The following COL22A1 variants were observed in gnomAD, a reference collection of about 807,000 sequenced individuals.
COL22A1 encodes the protein collagen alpha-1(XXII) chain.
In COL22A1, 221 loss-of-function variants were observed where a neutral mutation model predicts 248.9. The observed-to-expected ratio is 0.89, with a 90% CI of 0.80 to 0.99. COL22A1 has a LOEUF of 0.99. Ranked by LOEUF, COL22A1 falls within the 50% of genes least tolerant of loss-of-function variation. The pLI is 0.00. For synonymous variants in COL22A1, 891 were observed against 793.4 expected (o/e 1.12, Z -2.07); for missense variants, 2,240 against 2,179.0 (o/e 1.03, Z -0.56).
chr8:138,882,550 C>T (rs1307768420), intron 2 of COL22A1, among the ~76,000 whole-genome samples: 2 of 140,262 alleles, frequency 1.4e-5, no homozygotes, highest in Non-Finnish European at 3.0e-5. Flanking sequence ...CCACATGCTC[C>T]CTCAAACTCA....
At chr8:138,829,553 G>A (rs142835687) in intron 5 of COL22A1, among the ~76,000 whole-genome samples, 36 of 151,796 alleles carry the variant, frequency 2.4e-4, no homozygotes, top group African/African-American at 7.0e-4. Flanking sequence ...ACAGGTGCCC[G>A]CCACCACACC....
At chr8:138,805,485 A>G (rs1483811613) in intron 10 of COL22A1, among the ~76,000 whole-genome samples, 2 of 111,004 alleles carry the variant, frequency 1.8e-5, no homozygotes, top group East Asian at 3.4e-4. Flanking sequence ...ATGGGATGGC[A>G]TGTGATGGTG....
intron 61 of COL22A1, 48 bp from the exon 62 acceptor site, chr8:138,597,018 C>T: frequency 1.3e-6 from 2 of 1,532,716 alleles, no homozygotes; most frequent in Non-Finnish European, 1.8e-6. Context: ...GTAACTTCTG[C>T]CACCTAAGAA....
intron 3 of COL22A1, among the ~76,000 whole-genome samples, chr8:138,851,991 G>C (rs746695094): frequency 6.6e-6 from 1 of 152,132 alleles, no homozygotes; most frequent in African/African-American, 2.4e-5. Context: ...GTGGTTGGAG[G>C]TGTTGGATGT....
At chr8:138,907,988 C>G (rs1311508787) in intron 1 of COL22A1, among the ~76,000 whole-genome samples, 5 of 152,174 alleles carry the variant, frequency 3.3e-5, no homozygotes, top group Non-Finnish European at 7.3e-5. Flanking sequence ...GAGACACACT[C>G]AAATCGTAAC....
At chr8:138,621,139 A>G (rs1218980364) in intron 52 of COL22A1, among the ~76,000 whole-genome samples, 1 of 152,180 alleles carries the variant, frequency 6.6e-6, no homozygotes, top group Non-Finnish European at 1.5e-5. Context: ...AGATGCTGCC[A>G]TTTTCCAACC....
intron 57 of COL22A1, among the ~76,000 whole-genome samples, chr8:138,607,671 A>T (rs953570457): frequency 3.3e-5 from 5 of 152,052 alleles, no homozygotes; most frequent in African/African-American, 4.8e-5. Flanking sequence ...ACATTTTTTT[A>T]AAAAATGTTT....
intron 12 of COL22A1, among the ~76,000 whole-genome samples, chr8:138,787,751 C>G (rs916950082): frequency 9.2e-5 from 14 of 152,162 alleles, no homozygotes; most frequent in African/African-American, 3.4e-4. Context: ...CAGGCTCTGA[C>G]CTGTCTTCCA....
chr8:138,737,463 G>C, intron 23 of COL22A1, 61 bp downstream of exon 23: 1 of 1,215,946 alleles, frequency 8.2e-7, no homozygotes, highest in East Asian at 2.3e-5. Context: ...CTGCTGCCTG[G>C]TCATTTATTT....
chr8:138,791,179 T>A (rs1460780332), intron 12 of COL22A1, among the ~76,000 whole-genome samples: 1 of 152,252 alleles, frequency 6.6e-6, no homozygotes, highest in Non-Finnish European at 1.5e-5. Flanking sequence ...CCTTGCTTGA[T>A]GCTGGGCACC....
chr8:138,851,832 C>T (rs1459300161), intron 3 of COL22A1, among the ~76,000 whole-genome samples: 1 of 152,168 alleles, frequency 6.6e-6, no homozygotes, highest in Non-Finnish European at 1.5e-5. Flanking sequence ...GTGACAAGCT[C>T]GCTGTCCTCA....
chr8:138,663,028 A>ACACACACACACACACACACG (rs1308611766), intron 42 of COL22A1, among the ~76,000 whole-genome samples: 11 of 151,946 alleles, frequency 7.2e-5, no homozygotes, highest in African/African-American at 2.7e-4. Flanking sequence ...ACACACACAC[A>ACACACACACACACACACACG]CACACACAAA....
chr8:138,775,127 C>T (rs1204286810), intron 16 of COL22A1, among the ~76,000 whole-genome samples: 1 of 152,228 alleles, frequency 6.6e-6, no homozygotes, highest in Non-Finnish European at 1.5e-5. Flanking sequence ...CAGCAGACCC[C>T]AGCAAAGCAT....
chr8:138,836,077 C>A (rs1820409217), intron 4 of COL22A1, among the ~76,000 whole-genome samples: 1 of 152,154 alleles, frequency 6.6e-6, no homozygotes, highest in African/African-American at 2.4e-5. Context: ...TCAAGACCAG[C>A]CTGGCCAACA....
At chr8:138,781,042 C>T in intron 12 of COL22A1, 62 bp from the exon 13 acceptor site, 1 of 1,214,016 alleles carries the variant, frequency 8.2e-7, no homozygotes, top group Non-Finnish European at 1.2e-6. Context: ...TCTCAGAATG[C>T]TAGTGCAGTG....
chr8:138,891,804 A>G (rs1364246100), intron 1 of COL22A1, among the ~76,000 whole-genome samples: 2 of 152,228 alleles, frequency 1.3e-5, no homozygotes, highest in Non-Finnish European at 2.9e-5. Context: ...ACACCAAACT[A>G]TGCGTCATCC....
At chr8:138,646,927 C>T (rs1376195728) in intron 46 of COL22A1, among the ~76,000 whole-genome samples, 1 of 152,178 alleles carries the variant, frequency 6.6e-6, no homozygotes, top group African/African-American at 2.4e-5. Flanking sequence ...TCCAAGATAG[C>T]CTGATGGCCC....
At chr8:138,730,281 G>A (rs961559066) in intron 23 of COL22A1, among the ~76,000 whole-genome samples, 1 of 152,174 alleles carries the variant, frequency 6.6e-6, no homozygotes, top group Admixed American at 6.5e-5. Flanking sequence ...GAGGGGCAGT[G>A]GGCAGGCACA....
At chr8:138,771,693 T>C (rs1834380120) in intron 16 of COL22A1, among the ~76,000 whole-genome samples, 1 of 152,186 alleles carries the variant, frequency 6.6e-6, no homozygotes, top group Admixed American at 6.5e-5. Flanking sequence ...GTAATAAATG[T>C]TTGTGAATGT....
Sources: allele counts gnomAD v4.1 joint callset (sites outside exome capture counted in the v4.1 genomes callset), GRCh38; gene constraint gnomAD v4.1.1; transcripts MANE v1.5; gene names NCBI Gene and HGNC (gene_info 2026-07-23, HGNC 2026-07-21).